EPC2: variants seen among roughly 807,000 people sequenced by gnomAD.
The protein encoded by EPC2 is enhancer of polycomb 2.
Under a neutral mutation model 92.1 loss-of-function variants are expected in EPC2, and 14 were observed. That is an observed-to-expected ratio of 0.15 (90% confidence interval 0.10 to 0.24). The LOEUF (loss-of-function observed/expected upper bound fraction) is 0.24, where lower values mean the gene tolerates loss of function less well. Ranked by LOEUF, EPC2 falls within the 10% of genes least tolerant of loss-of-function variation. The probability of loss-of-function intolerance (pLI) is 1.00; values close to 1 mark genes in which losing one functional copy is unlikely to be tolerated. For missense variants in EPC2, 755 were observed against 971.5 expected (o/e 0.78, Z 2.96); for synonymous variants, 340 against 334.7 (o/e 1.02, Z -0.17).
At chr2:148,746,379 T>G (rs1216401971) in intron 3 of EPC2, among the ~76,000 whole-genome samples, 4 of 152,054 alleles carry the variant, frequency 2.6e-5, no homozygotes, top group Admixed American at 6.6e-5. Context: ...CTTCAGTAAC[T>G]CCCAAACTCA....
At chr2:148,674,805 C>G (rs1031038824) in intron 1 of EPC2, among the ~76,000 whole-genome samples, 1 of 152,154 alleles carries the variant, frequency 6.6e-6, no homozygotes, top group East Asian at 1.9e-4. Flanking sequence ...TGCAATTTCT[C>G]AGCTGGTTTC....
intron 1 of EPC2, among the ~76,000 whole-genome samples, chr2:148,672,265 C>G (rs977098683): frequency 6.6e-6 from 1 of 152,094 alleles, no homozygotes; most frequent in African/African-American, 2.4e-5. Context: ...GTATGGACAT[C>G]TCTGCTTTCT....
chr2:148,738,799 G>C (rs991069866), intron 2 of EPC2, among the ~76,000 whole-genome samples: 1 of 152,170 alleles, frequency 6.6e-6, no homozygotes, highest in Admixed American at 6.5e-5. Flanking sequence ...TGATAAATAC[G>C]TGGACATAAA....
chr2:148,716,903 G>A lies in EPC2; in HGVS notation c.313+26530G>A, dbSNP rs1161426926. 2.0e-5 allele frequency among the ~76,000 whole-genome samples: 3 copies of A among 152,196 alleles called. No individual in the cohort carries two copies. In the East Asian group the frequency reaches 5.8e-4, roughly 29 times the overall value. ...TTTGGTTGATAGACTATTTATTACT[G>A]CTTCAACTTTAGAACTCATTATTGG... On this transcript the variant is annotated intron_variant, in intron 2 of 13. Coordinates refer to ENST00000258484, the MANE Select transcript of EPC2 (RefSeq NM_015630.4).
intron 1 of EPC2, among the ~76,000 whole-genome samples, chr2:148,681,482 C>G (rs1681393406): frequency 1.3e-5 from 2 of 152,132 alleles, no homozygotes; most frequent in Non-Finnish European, 2.9e-5. Flanking sequence ...AAGACCTTAT[C>G]AAAACACAAA....
At chr2:148,692,049 C>G (rs1681655309) in intron 2 of EPC2, 1 of 323,572 alleles carries the variant, frequency 3.1e-6, no homozygotes. Context: ...TAATTTGTTC[C>G]CGCTTTCTCC....
chr2:148,691,723 G>A, intron 2 of EPC2: 1 of 1,095,544 alleles, frequency 9.1e-7, no homozygotes, highest in Non-Finnish European at 1.4e-6. Context: ...TTAGGCTGCA[G>A]ATCTGCTCAA....
chr2:148,648,855 C>T (rs1680575464), intron 1 of EPC2, among the ~76,000 whole-genome samples: 1 of 152,102 alleles, frequency 6.6e-6, no homozygotes, highest in Non-Finnish European at 1.5e-5. Flanking sequence ...CCTGTGTAGC[C>T]TCTTCTTTTG....
chr2:148,758,494 C>T (rs1683235962), intron 4 of EPC2, among the ~76,000 whole-genome samples: 1 of 152,098 alleles, frequency 6.6e-6, no homozygotes, highest in African/African-American at 2.4e-5. Flanking sequence ...CTCCTGGGTT[C>T]AAGTGATTCC....
At chr2:148,663,140 A>G (rs928078043) in intron 1 of EPC2, among the ~76,000 whole-genome samples, 8 of 150,884 alleles carry the variant, frequency 5.3e-5, no homozygotes, top group African/African-American at 1.9e-4. Flanking sequence ...AGAATGGTAG[A>G]GTAGACAGTT....
chr2:148,770,912 A>C lies in EPC2; in HGVS notation c.1351A>C (p.Arg451=). The change falls in exon 9 of 14, where the codon AGG becomes CGG. Residue 451 remains arginine (R), a synonymous_variant. Coordinates refer to ENST00000258484, the MANE Select transcript of EPC2 (RefSeq NM_015630.4). ...CCCAAGAAGATGTATAGGATTTGCA[A>C]GGAGGCGAATTGGCAGAGGTGGAAG... ...TVPRRCIGFA[R]RRIGRGGRVI... 1 of 1,612,980 alleles carries C rather than the reference A, an allele frequency of 6.2e-7. No homozygotes were observed. The highest frequency in any genetic ancestry group is 1.3e-5 in the African/African-American group (1 of 74,998).
chr2:148,692,611 T>C (rs888849490), intron 2 of EPC2: 6 of 152,220 alleles, frequency 3.9e-5, no homozygotes, highest in Non-Finnish European at 7.4e-5. Flanking sequence ...ATTAGCTTTT[T>C]GAATTTGCCT....
intron 3 of EPC2, among the ~76,000 whole-genome samples, chr2:148,746,538 C>A (rs1265514338): frequency 6.6e-6 from 1 of 152,028 alleles, no homozygotes; most frequent in African/African-American, 2.4e-5. Flanking sequence ...TATCTTCTTT[C>A]CAGTGTGACA....
chr2:148,762,865 T>A, intron 6 of EPC2, 63 bp downstream of exon 6: 1 of 1,495,190 alleles, frequency 6.7e-7, no homozygotes, highest in Non-Finnish European at 8.9e-7. Flanking sequence ...GTTATTGATT[T>A]CTGCAGTTGT....
At chr2:148,716,503 T>C (rs1437880408) in intron 2 of EPC2, among the ~76,000 whole-genome samples, 5 of 152,224 alleles carry the variant, frequency 3.3e-5, no homozygotes, top group Admixed American at 3.3e-4. Context: ...TTGTCTTTAG[T>C]TCTGTTTATG....
At chr2:148,726,136 T>G (rs544620044) in intron 2 of EPC2, among the ~76,000 whole-genome samples, 1 of 152,306 alleles carries the variant, frequency 6.6e-6, no homozygotes, top group East Asian at 1.9e-4. Context: ...CAAGATTTCC[T>G]TTAAGACTGT....
At chr2:148,672,396 C>T (rs1180896289) in intron 1 of EPC2, among the ~76,000 whole-genome samples, 1 of 152,090 alleles carries the variant, frequency 6.6e-6, no homozygotes, top group Non-Finnish European at 1.5e-5. Context: ...TTGTTTTTCA[C>T]GCCATTCATC....
intron 1 of EPC2, among the ~76,000 whole-genome samples, chr2:148,663,473 C>G (rs1168206742): frequency 6.6e-6 from 1 of 151,562 alleles, no homozygotes; most frequent in Non-Finnish European, 1.5e-5. Context: ...CCGCCTTGGC[C>G]TCCCAAAGTG....
intron 1 of EPC2, among the ~76,000 whole-genome samples, chr2:148,670,226 C>T (rs1681128760): frequency 6.6e-6 from 1 of 152,192 alleles, no homozygotes; most frequent in Admixed American, 6.5e-5. Flanking sequence ...TCTTAAAGAG[C>T]ACTGGCCTTC....
Sources: allele counts gnomAD v4.1 joint callset (sites outside exome capture counted in the v4.1 genomes callset), GRCh38; gene constraint gnomAD v4.1.1; transcripts MANE v1.5; gene names NCBI Gene and HGNC (gene_info 2026-07-23, HGNC 2026-07-21).